Variants in YY1 observed in about 807,000 individuals in gnomAD.
YY1 encodes transcriptional repressor protein YY1.
Under a neutral mutation model 35.6 loss-of-function variants are expected in YY1, and 2 were observed. That is an observed-to-expected ratio of 0.06 (90% CI 0.02 to 0.18). The LOEUF (loss-of-function observed/expected upper bound fraction) is 0.18, where lower values mean the gene tolerates loss of function less well. YY1 is among the 10% of genes least tolerant of loss of function. The pLI, the probability that YY1 is intolerant of heterozygous loss-of-function variation, is 1.00. For synonymous variants in YY1, 268 were observed against 238.9 expected (o/e 1.12, Z -1.12); for missense variants, 322 against 573.4 (o/e 0.56, Z 4.48).
intron 1 of YY1, among the ~76,000 whole-genome samples, chr14:100,262,098 G>A (rs941735056): frequency 3.9e-5 from 6 of 151,940 alleles, no homozygotes; most frequent in African/African-American, 9.7e-5. Flanking sequence ...TGAATGAGCC[G>A]TGATTGTGAT....
intron 1 of YY1, among the ~76,000 whole-genome samples, chr14:100,243,799 A>G (rs1457541749): frequency 2.3e-5 from 3 of 127,886 alleles, no homozygotes; most frequent in East Asian, 2.4e-4. Context: ...ACAGTGAGAC[A>G]CTGTCAAAAA....
intron 1 of YY1, among the ~76,000 whole-genome samples, chr14:100,260,484 C>CT (rs1467642505): frequency 1.1e-5 from 1 of 94,896 alleles, no homozygotes; most frequent in African/African-American, 4.0e-5. Context: ...TTTTTTTTTT[C>CT]TTTTTTGAGA....
At chr14:100,265,691 C>T (rs893782210) in intron 2 of YY1, among the ~76,000 whole-genome samples, 3 of 148,422 alleles carry the variant, frequency 2.0e-5, no homozygotes, top group Admixed American at 1.3e-4. Flanking sequence ...ACTCTGTCGC[C>T]CAGGCTGGAG....
rs367701201 is a variant in YY1 at position 100,239,469 on chromosome 14, T to C, written c.225T>C (p.His75=). The C allele has an allele frequency of 2.3e-4, 368 of 1,592,774 alleles. No homozygotes were observed. The highest frequency in any genetic ancestry group is 3.4e-4 in the Middle Eastern group (2 of 5,956). ...ACGCCGGCCACCACCACCACCACCA[T>C]CACCACCACCACCACCCGCCCATGA... ...HGHAGHHHHH[H]HHHHHPPMIA... The change falls in exon 1 of 5, where the codon CAT becomes CAC. Residue 75 remains histidine (H), a synonymous_variant. Transcript: ENST00000262238.
intron 1 of YY1, among the ~76,000 whole-genome samples, chr14:100,253,709 A>G (rs1595318998): frequency 6.7e-6 from 1 of 149,934 alleles, no homozygotes; most frequent in Non-Finnish European, 1.5e-5. Flanking sequence ...GTAATCTTGA[A>G]CTCCTGGCCT....
chr14:100,280,113 G>C lies in YY1; in HGVS notation c.*2513G>C, dbSNP rs1428828142. 1.3e-5 allele frequency: 2 copies of C among 152,220 alleles called. No individual in the cohort carries two copies. The highest frequency in any genetic ancestry group is 6.5e-5 in the Admixed American group (1 of 15,282). 9.4% of individuals were successfully genotyped at this position (152,220 alleles called of 1,614,324 possible). A position where few individuals can be genotyped will look rare whatever the true frequency, so the allele number is the denominator to read the frequency against. On this transcript the variant is annotated 3_prime_UTR_variant, in exon 5 of 5. Transcript: ENST00000262238. The stretch of plus-strand genomic sequence containing the variant: ...TCCTTGTTAACATAGCACTGACTTT[G>C]CAACAATAGAAAACTAACAAATGAG...
At chr14:100,250,304 CA>C (rs2139575436) in intron 1 of YY1, among the ~76,000 whole-genome samples, 1 of 152,248 alleles carries the variant, frequency 6.6e-6, no homozygotes, top group African/African-American at 2.4e-5. Flanking sequence ...CAGTGAATCG[CA>C]AATGTTTAGC....
chr14:100,275,590 C>T (rs1891306525), intron 3 of YY1: 1 of 152,240 alleles, frequency 6.6e-6, no homozygotes, highest in Non-Finnish European at 1.5e-5. Context: ...AATACTTGTA[C>T]ATATTTATGG....
At position 100,262,319 on chromosome 14, in the gene YY1, T is replaced by C. The variant is rs377175446; in HGVS notation, c.695T>C (p.Ile232Thr). 7 of 1,613,742 alleles carry C rather than the reference T, an allele frequency of 4.3e-6. No individual in the cohort carries two copies. The highest frequency in any genetic ancestry group is 2.7e-5 in the African/African-American group (2 of 74,900). ...TGTGTTTCAGATGAAAAAAAAGATA[T>C]TGACCATGAGACAGTGGTTGAAGAA... is the stretch of plus-strand genomic sequence containing the variant. ...TMWSSDEKKD[I>T]DHETVVEEQI... The change falls in exon 2 of 5, where the codon ATT becomes ACT. Residue 232 changes from isoleucine (I) to threonine (T), a missense_variant. Ile to Thr is a moderately conservative substitution (Grantham distance 89, BLOSUM62 -1). Transcript: ENST00000262238.
At chr14:100,262,512 G>T (rs748450298) in intron 2 of YY1, 46 bp downstream of exon 2, 1 of 1,595,436 alleles carries the variant, frequency 6.3e-7, no homozygotes, top group South Asian at 1.1e-5. Context: ...GAAAGTGCTT[G>T]AGTCTTGCCA....
chr14:100,272,162 G>A (rs1891248139), intron 2 of YY1, among the ~76,000 whole-genome samples: 1 of 151,992 alleles, frequency 6.6e-6, no homozygotes, highest in South Asian at 2.1e-4. Flanking sequence ...CGGGCATGGT[G>A]GCGGGCGCCT....
rs746643331 is a variant in YY1, at chr14:100,239,447, C to G, written c.203C>G (p.Ala68Gly). Reference protein sequence around the residue: ...DHGGGGGHGHAGHHHHHHHHH... With the variant: ...DHGGGGGHGHGGHHHHHHHHH... ...GGCGGCGGGGGCGGCCACGGGCACG[C>G]CGGCCACCACCACCACCACCATCAC... Residue 68 changes from alanine (A) to glycine (G), a missense_variant, in exon 1 of 5, where the codon GCC becomes GGC. By Grantham distance (60) the Ala-to-Gly change is moderately conservative. This residue lies in a region of YY1 where 137 missense variants were observed against 167.0 expected (regional missense o/e 0.82). Coordinates refer to ENST00000262238, the MANE Select transcript of YY1 (RefSeq NM_003403.5). 377 of 1,591,168 alleles carry G rather than the reference C, an allele frequency of 2.4e-4. 2 individuals are homozygous for G. Among genetic ancestry groups the G allele is most frequent in the Non-Finnish European group, 9.4e-6 (11 of 1,171,600 alleles).
At position 100,276,740 on chromosome 14, in the gene YY1, C is replaced by G. The variant is rs1891324817; in HGVS notation, c.1062+92C>G. The G allele has an allele frequency of 2.2e-5, 35 of 1,589,006 alleles. No homozygotes were observed. The South Asian group carries it at 3.9e-4, about 18-fold the overall frequency. On this transcript the variant is annotated intron_variant, in intron 4 of 4. Transcript: ENST00000262238. This position sits in a 1 kb window ranked among gnomAD's most constrained non-coding sequence, Gnocchi z 4.1. ...TGGTGATGAGGCAGGAGGCGCCAGC[C>G]CAGAGACTCAGGGTCTTATTACTCC...
intron 1 of YY1, among the ~76,000 whole-genome samples, chr14:100,241,230 T>C (rs1890735876): frequency 6.6e-6 from 1 of 152,234 alleles, no homozygotes; most frequent in East Asian, 1.9e-4. Context: ...CGTTTAGTAC[T>C]CCATATAAGC....
intron 1 of YY1, among the ~76,000 whole-genome samples, chr14:100,240,213 GCCGGCGCGCTCGCTCC>G (rs1890709574): frequency 7.0e-6 from 1 of 143,736 alleles, no homozygotes. Context: ...CGGGGGAGGG[GCCGGCGCGCTCGCTCC>G]CCGACGCCCT....
intron 1 of YY1, among the ~76,000 whole-genome samples, chr14:100,245,446 T>G (rs956485802): frequency 6.6e-6 from 1 of 152,190 alleles, no homozygotes; most frequent in Non-Finnish European, 1.5e-5. Flanking sequence ...CAACTATGTT[T>G]TGAATAATCT....
intron 2 of YY1, among the ~76,000 whole-genome samples, chr14:100,265,651 T>A (rs1469314379): frequency 7.1e-6 from 1 of 140,166 alleles, no homozygotes; most frequent in African/African-American, 2.9e-5. Flanking sequence ...CTGAAGCTTT[T>A]TTTTTTTTTT....
intron 1 of YY1, among the ~76,000 whole-genome samples, chr14:100,249,764 G>GTTTTTTT: frequency 7.4e-6 from 1 of 135,110 alleles, no homozygotes; most frequent in Non-Finnish European, 1.6e-5. Context: ...TTTTTTGTTT[G>GTTTTTTT]TTTTTGTTTT....
intron 1 of YY1, among the ~76,000 whole-genome samples, chr14:100,250,448 A>C (rs1446913674): frequency 6.6e-6 from 1 of 152,162 alleles, no homozygotes; most frequent in African/African-American, 2.4e-5. Flanking sequence ...ATATACATGC[A>C]TACATACATA....
Sources: allele counts gnomAD v4.1 joint callset (sites outside exome capture counted in the v4.1 genomes callset), GRCh38; gene constraint gnomAD v4.1.1; regional missense constraint gnomAD v4.1.1; non-coding constraint Gnocchi (gnomAD v3.1); transcripts MANE v1.5; gene names NCBI Gene and HGNC (gene_info 2026-07-23, HGNC 2026-07-21).